Variants in TMED10 observed in about 807,000 individuals in gnomAD.
TMED10 encodes transmembrane p24 trafficking protein 10.
TMED10 carries 7 observed loss-of-function variants against 23.1 expected under a neutral mutation model. The ratio of observed to expected loss-of-function variants is 0.30; its 90% CI spans 0.17 to 0.57. TMED10 has a LOEUF of 0.57. Among genes scored for constraint, TMED10 ranks in the 20% least tolerant of loss-of-function variants. The pLI is 0.91. For synonymous variants in TMED10, 113 were observed against 106.9 expected (o/e 1.06, Z -0.35); for missense variants, 162 against 274.8 (o/e 0.59, Z 2.90).
chr14:75,154,051 G>A (rs926494962), intron 1 of TMED10, among the ~76,000 whole-genome samples: 18 of 150,754 alleles, frequency 1.2e-4, no homozygotes, highest in African/African-American at 3.9e-4. Context: ...GGTTACAGGC[G>A]TGAGCCACCA....
At chr14:75,136,437 G>C (rs1396360923) in intron 3 of TMED10, among the ~76,000 whole-genome samples, 1 of 152,192 alleles carries the variant, frequency 6.6e-6, no homozygotes, top group East Asian at 1.9e-4. Context: ...GGGACTACAA[G>C]TGTGAGCCAC....
At chr14:75,139,005 C>T (rs896200575) in intron 3 of TMED10, 6 of 336,370 alleles carry the variant, frequency 1.8e-5, no homozygotes, top group Non-Finnish European at 2.9e-5. Context: ...ACAACCAACA[C>T]ATAAATATAT....
At chr14:75,154,018 G>C (rs1475296729) in intron 1 of TMED10, among the ~76,000 whole-genome samples, 3 of 150,180 alleles carry the variant, frequency 2.0e-5, no homozygotes, top group African/African-American at 7.3e-5. Flanking sequence ...AATCCAACCC[G>C]CCTCGGCTTC....
chr14:75,139,000 C>A, intron 3 of TMED10: 1 of 320,802 alleles, frequency 3.1e-6, no homozygotes, highest in Non-Finnish European at 6.1e-6. Context: ...GTTGTACAAC[C>A]AACACATAAA....
intron 1 of TMED10, among the ~76,000 whole-genome samples, chr14:75,173,242 C>A (rs1896257321): frequency 6.6e-6 from 1 of 152,088 alleles, no homozygotes. Context: ...TGAAAACTAG[C>A]CGGATATGGT....
chr14:75,147,490 G>T, intron 3 of TMED10, 174 bp downstream of exon 3: 1 of 736,650 alleles, frequency 1.4e-6, no homozygotes, highest in South Asian at 1.6e-5. Context: ...CACCGCGCCC[G>T]GCTAAGGCTG....
At chr14:75,174,563 T>C (rs1421261248) in intron 1 of TMED10, among the ~76,000 whole-genome samples, 1 of 152,138 alleles carries the variant, frequency 6.6e-6, no homozygotes, top group Non-Finnish European at 1.5e-5. Flanking sequence ...ATGCCATCAC[T>C]ATTTTCCTGG....
chr14:75,171,085 G>T (rs1896227398), intron 1 of TMED10, among the ~76,000 whole-genome samples: 1 of 152,088 alleles, frequency 6.6e-6, no homozygotes, highest in Non-Finnish European at 1.5e-5. Context: ...CAGATTAAGG[G>T]TCTTGAGGTG....
chr14:75,145,042 C>T (rs1216896929), intron 3 of TMED10, among the ~76,000 whole-genome samples: 1 of 152,218 alleles, frequency 6.6e-6, no homozygotes, highest in Admixed American at 6.5e-5. Context: ...GTGTCATAGC[C>T]ATTCCTCCTC....
intron 1 of TMED10, among the ~76,000 whole-genome samples, chr14:75,164,571 ATATATATTTTTTTTT>A (rs1403570918): frequency 4.7e-4 from 1 of 2,114 alleles, no homozygotes; most frequent in African/African-American, 1.4e-3. Context: ...ATATATATAT[ATATATATTTTTTTTT>A]TTTTTTTTGT....
At chr14:75,139,350 ATTGT>A (rs1895793703) in intron 3 of TMED10, among the ~76,000 whole-genome samples, 1 of 126,072 alleles carries the variant, frequency 7.9e-6, no homozygotes, top group African/African-American at 2.8e-5. Flanking sequence ...AGTATTCCAC[ATTGT>A]TTAGTTAATC....
At chr14:75,176,148 T>C (rs535078712) in intron 1 of TMED10, 3 of 623,590 alleles carry the variant, frequency 4.8e-6, no homozygotes, top group African/African-American at 3.7e-5. Context: ...GCAGCCCTTC[T>C]TGGGGTTCCC....
chr14:75,161,561 G>GT, intron 1 of TMED10, among the ~76,000 whole-genome samples: 1 of 152,146 alleles, frequency 6.6e-6, no homozygotes, highest in Non-Finnish European at 1.5e-5. Context: ...TAAAAGGACT[G>GT]TAACTAACAG....
chr14:75,163,601 C>T (rs1268370156), intron 1 of TMED10, among the ~76,000 whole-genome samples: 2 of 150,390 alleles, frequency 1.3e-5, no homozygotes, highest in Non-Finnish European at 3.0e-5. Context: ...AATAGCTAGC[C>T]TTTTCTCTCT....
intron 1 of TMED10, among the ~76,000 whole-genome samples, chr14:75,158,334 TTTTA>T (rs1378853470): frequency 2.0e-5 from 3 of 152,126 alleles, no homozygotes; most frequent in South Asian, 2.1e-4. Context: ...ACTACTTTAT[TTTTA>T]TTTATTTTTG....
chr14:75,170,459 A>T (rs1896219602), intron 1 of TMED10, among the ~76,000 whole-genome samples: 1 of 152,214 alleles, frequency 6.6e-6, no homozygotes, highest in Non-Finnish European at 1.5e-5. Context: ...AGATAAGCCT[A>T]GAACACTTTG....
rs1326410580 is a variant in TMED10 at position 75,133,387 on chromosome 14, G to C, written c.*1498C>G. On this transcript the variant is annotated 3_prime_UTR_variant, in exon 5 of 5. Transcript: ENST00000303575. ...TAGATGGCAAATTAGCACACAAAAA[G>C]ATACTCAACATCATTAGCCATTGGA... The C allele has an allele frequency of 6.6e-6, 1 of 152,146 alleles. No homozygotes were observed. The highest frequency in any genetic ancestry group is 2.1e-4 in the South Asian group (1 of 4,828). 9.4% of individuals were successfully genotyped at this position (152,146 alleles called of 1,614,324 possible).
In TMED10 at chr14:75,133,271, A is replaced by C. The variant is rs1895709389; in HGVS notation, c.*1614T>G. 1 of 152,268 alleles carries C rather than the reference A, an allele frequency of 6.6e-6. No individual in the cohort carries two copies. The highest frequency in any genetic ancestry group is 2.4e-5 in the African/African-American group (1 of 41,472). The allele number at this position is 152,268 out of a possible 1,614,324, so 9.4% of individuals were successfully genotyped here. On this transcript the variant is annotated 3_prime_UTR_variant, in exon 5 of 5. Transcript: ENST00000303575. Reference sequence around the variant, plus strand: ...GAGGAATTTTATCTAGGATATATAAAAAACCTCTCAAAACTCAATAGTAAA... The same window carrying C: ...GAGGAATTTTATCTAGGATATATAACAAACCTCTCAAAACTCAATAGTAAA...
intron 1 of TMED10, among the ~76,000 whole-genome samples, chr14:75,164,577 A>AT (rs60845992): frequency 7.8e-4 from 35 of 45,090 alleles, no homozygotes; most frequent in African/African-American, 6.3e-3. Context: ...ATATATATAT[A>AT]TTTTTTTTTT....
Sources: gnomAD v4.1 joint callset for allele counts (sites outside exome capture counted in the v4.1 genomes callset) on GRCh38, gnomAD v4.1.1 for gene constraint, MANE v1.5 for transcripts, NCBI Gene and HGNC (gene_info 2026-07-23, HGNC 2026-07-21) for gene names.